The following LRIG2 variants were observed in gnomAD, a reference collection of about 807,000 sequenced individuals.
LRIG2 encodes leucine-rich repeats and immunoglobulin-like domains protein 2.
LRIG2 carries 93 observed loss-of-function variants against 107.8 expected under a neutral mutation model. The observed-to-expected ratio is 0.86, with a 90% CI of 0.73 to 1.03. The LOEUF is 1.03. Among genes scored for constraint, LRIG2 ranks in the 50% least tolerant of loss-of-function variants. The probability of loss-of-function intolerance (pLI) is 0.00; values close to 1 mark genes in which losing one functional copy is unlikely to be tolerated. For missense variants in LRIG2, 1,226 were observed against 1,296.0 expected (o/e 0.95, Z 0.83); for synonymous variants, 471 against 470.6 (o/e 1.00, Z -0.01).
chr1:113,089,662 C>G (rs1357700242), intron 1 of LRIG2, among the ~76,000 whole-genome samples: 2 of 134,210 alleles, frequency 1.5e-5, no homozygotes, highest in Non-Finnish European at 3.2e-5. Context: ...TTTCCTCTTA[C>G]TGAAGGTGGA....
At chr1:113,109,892 T>C (rs1401183492) in intron 12 of LRIG2, among the ~76,000 whole-genome samples, 12 of 152,162 alleles carry the variant, frequency 7.9e-5, no homozygotes, top group African/African-American at 1.9e-4. Context: ...AATCCTAATA[T>C]AAGGTTTCTG....
chr1:113,119,670 T>C (rs1418199115), intron 17 of LRIG2, 147 bp downstream of exon 17: 10 of 718,670 alleles, frequency 1.4e-5, no homozygotes, highest in African/African-American at 3.6e-5. Context: ...GTATAAACTA[T>C]AGCCAGAGAT....
At position 113,130,740 on chromosome 1, in the gene LRIG2, T is replaced by G. The variant is rs1655678350; in HGVS notation, c.*6639T>G. On this transcript the variant is annotated 3_prime_UTR_variant, in exon 18 of 18. Coordinates refer to ENST00000361127, the MANE Select transcript of LRIG2 (RefSeq NM_014813.3). ...AAGTCCTTTGTATTCATTTTAGAGC[T>G]CTTCAGGAAACTAGAGAATTTTGGA... The G allele has an allele frequency of 6.6e-6, 1 of 152,176 alleles. No homozygotes were observed. Among genetic ancestry groups the G allele is most frequent in the Admixed American group, 6.5e-5 (1 of 15,272 alleles). The allele number at this position is 152,176 out of a possible 1,614,324, so 9.4% of individuals were successfully genotyped here.
At chr1:113,082,304 A>G (rs1030930569) in intron 1 of LRIG2, among the ~76,000 whole-genome samples, 3 of 152,198 alleles carry the variant, frequency 2.0e-5, no homozygotes, top group African/African-American at 7.2e-5. Context: ...ATCTGCAACA[A>G]GAGAGCCTAA....
In LRIG2 at chr1:113,129,951, T is replaced by C. The variant is rs1655643332; in HGVS notation, c.*5850T>C. On this transcript the variant is annotated 3_prime_UTR_variant, in exon 18 of 18. Coordinates refer to ENST00000361127, the MANE Select transcript of LRIG2 (RefSeq NM_014813.3). ...TGTCAGCCAGGCTGGAGTGCAATGG[T>C]GTGAACGTGGCTCACTGTCGTCACT... is the stretch of plus-strand genomic sequence containing the variant. 1 of 152,108 alleles carries C rather than the reference T, an allele frequency of 6.6e-6. No individual in the cohort carries two copies. The highest frequency in any genetic ancestry group is 2.4e-5 in the African/African-American group (1 of 41,434). The allele number at this position is 152,108 out of a possible 1,614,324, so 9.4% of individuals were successfully genotyped here.
Position 113,130,852 on chromosome 1 carries a change from A to G in LRIG2, c.*6751A>G, listed in dbSNP as rs538674745. ...TGGGTTTAATCTTCTGAAGAAATCTATAAGTAGTTACTGGCATAAATGGTA... is the reference window on the plus strand; with the variant it reads ...TGGGTTTAATCTTCTGAAGAAATCTGTAAGTAGTTACTGGCATAAATGGTA... On this transcript the variant is annotated 3_prime_UTR_variant, in exon 18 of 18. Coordinates refer to ENST00000361127, the MANE Select transcript of LRIG2 (RefSeq NM_014813.3). 1.3e-5 allele frequency: 2 copies of G among 152,354 alleles called. No individual in the cohort carries two copies. Among genetic ancestry groups the G allele is most frequent in the East Asian group, 1.9e-4 (1 of 5,188 alleles). The allele number at this position is 152,354 out of a possible 1,614,324, so 9.4% of individuals were successfully genotyped here.
chr1:113,094,726 A>T lies in LRIG2; in HGVS notation c.774A>T (p.Ala258=). 1 of 1,613,846 alleles carries T rather than the reference A, an allele frequency of 6.2e-7. No individual in the cohort carries two copies. The highest frequency in any genetic ancestry group is 8.5e-7 in the Non-Finnish European group (1 of 1,179,870). ...GAATTAGCAAACTTAAGGATGGAGC[A>T]TTTTTTGGCTTGAATAACATGGAAG... The part of the protein sequence containing the change: ...RNGISKLKDG[A]FFGLNNMEEL... The change falls in exon 6 of 18, where the codon GCA becomes GCT. Residue 258 remains alanine (A), a synonymous_variant. Transcript: ENST00000361127.
At chr1:113,088,597 A>C (rs61818195) in intron 1 of LRIG2, among the ~76,000 whole-genome samples, 1 of 152,168 alleles carries the variant, frequency 6.6e-6, no homozygotes, top group African/African-American at 2.4e-5. Context: ...AAAGCCCTTA[A>C]TCTGGAAGGG....
chr1:113,088,851 G>C (rs1208834075), intron 1 of LRIG2, among the ~76,000 whole-genome samples: 1 of 152,194 alleles, frequency 6.6e-6, no homozygotes, highest in East Asian at 1.9e-4. Flanking sequence ...TTAGTAGCAA[G>C]AGTGAATTGG....
intron 11 of LRIG2, among the ~76,000 whole-genome samples, chr1:113,101,227 C>T (rs1281160217): frequency 6.6e-6 from 1 of 152,188 alleles, no homozygotes; most frequent in African/African-American, 2.4e-5. Context: ...TGCCACCACA[C>T]CCGGCTAATG....
At chr1:113,078,058 T>C (rs1357413195) in intron 1 of LRIG2, among the ~76,000 whole-genome samples, 1 of 151,992 alleles carries the variant, frequency 6.6e-6, no homozygotes, top group African/African-American at 2.4e-5. Flanking sequence ...CTTCAAAGGA[T>C]ATGAACTCAC....
intron 1 of LRIG2, among the ~76,000 whole-genome samples, chr1:113,086,343 C>T (rs1175132914): frequency 6.6e-6 from 1 of 152,082 alleles, no homozygotes; most frequent in Non-Finnish European, 1.5e-5. Context: ...TAGGTACACT[C>T]TTAACAAGGC....
intron 1 of LRIG2, among the ~76,000 whole-genome samples, chr1:113,077,341 C>G (rs1339939925): frequency 6.6e-6 from 1 of 151,982 alleles, no homozygotes. Flanking sequence ...GGGGTTTTGC[C>G]ATGTTGGCCA....
intron 11 of LRIG2, chr1:113,100,798 CAT>C (rs1654275405): frequency 1.0e-5 from 2 of 199,366 alleles, no homozygotes; most frequent in Non-Finnish European, 2.1e-5. Flanking sequence ...TTATCAGAAA[CAT>C]GTGTTACCAG....
In LRIG2 at chr1:113,114,705, C is replaced by T; in HGVS notation, c.2359C>T (p.Pro787Ser). 1 of 1,614,116 alleles carries T rather than the reference C, an allele frequency of 6.2e-7. No homozygotes were observed. Among genetic ancestry groups the T allele is most frequent in the Non-Finnish European group, 8.5e-7 (1 of 1,180,026 alleles). ...GHIYLNVISS[P>S]NCDSSQSSIG... ...CATTTACCTAAATGTCATTTCATCC[C>T]CCAATTGTGACTCTTCCCAGAGTAG... The change falls in exon 15 of 18, where the codon CCC becomes TCC. Residue 787 changes from proline (P) to serine (S), a missense_variant. Around this residue, in one of 3 missense-constraint regions of LRIG2, gnomAD observed 642 missense variants for 712.2 expected, o/e 0.90. Coordinates refer to ENST00000361127, the MANE Select transcript of LRIG2 (RefSeq NM_014813.3).
chr1:113,073,600 G>C lies in LRIG2; in HGVS notation c.194G>C (p.Ser65Thr), dbSNP rs776786364. 1.9e-6 allele frequency: 3 copies of C among 1,613,714 alleles called. No individual in the cohort carries two copies. Among genetic ancestry groups the C allele is most frequent in the South Asian group, 1.1e-5 (1 of 91,078 alleles). ...DCSRRKLPAP[S>T]WRALSGLLPP... ...AGTCGCAGGAAATTGCCCGCACCGA[G>C]CTGGAGGGCGCTGTCGGGCTTGCTG... The change falls in exon 1 of 18, where the codon AGC (serine) becomes ACC (threonine). Residue 65 changes from serine (S) to threonine (T), a missense_variant. Physicochemically the swap from Ser to Thr is moderately conservative, Grantham distance 58. Transcript: ENST00000361127.
intron 2 of LRIG2, 131 bp from the exon 3 acceptor site, chr1:113,093,075 A>G (rs1355412926): frequency 1.6e-5 from 10 of 607,466 alleles, no homozygotes; most frequent in Admixed American, 3.6e-5. Context: ...ATTTTCGTCT[A>G]ACTCATTCTG....
At chr1:113,114,940 T>TACAA in intron 15 of LRIG2, 64 bp downstream of exon 15, 1 of 1,328,892 alleles carries the variant, frequency 7.5e-7, no homozygotes, top group Non-Finnish European at 1.0e-6. Context: ...ATAGGATTAA[T>TACAA]TGTACAATAT....
chr1:113,110,745 T>G (rs753949628), intron 13 of LRIG2, among the ~76,000 whole-genome samples, 183 bp downstream of exon 13: 1 of 152,224 alleles, frequency 6.6e-6, no homozygotes, highest in Non-Finnish European at 1.5e-5. Flanking sequence ...TGCCCACTTA[T>G]GGTCTCTAAT....
Sources: gnomAD v4.1 joint callset for allele counts (sites outside exome capture counted in the v4.1 genomes callset) on GRCh38, gnomAD v4.1.1 for gene constraint, gnomAD v4.1.1 regional missense constraint, MANE v1.5 for transcripts, NCBI Gene and HGNC (gene_info 2026-07-23, HGNC 2026-07-21) for gene names.